Variants in SGCZ observed in about 807,000 individuals in gnomAD.
SGCZ encodes zeta-sarcoglycan.
In SGCZ, 40 loss-of-function variants were observed where a neutral mutation model predicts 41.3. That is an observed-to-expected ratio of 0.97 (90% CI 0.75 to 1.26). SGCZ has a LOEUF of 1.26. Among genes scored for constraint, SGCZ ranks in the 50% most tolerant of loss-of-function variants. SGCZ has a pLI of 0.00. For synonymous variants in SGCZ, 206 were observed against 137.5 expected, an observed-to-expected ratio of 1.50 and a Z score of -3.49; for missense variants, 552 against 369.8, an observed-to-expected ratio of 1.49 and a Z score of -4.04.
At chr8:14,119,628 T>C (rs1000257209) in intron 5 of SGCZ, among the ~76,000 whole-genome samples, 1 of 152,162 alleles carries the variant, frequency 6.6e-6, no homozygotes, top group African/African-American at 2.4e-5. Flanking sequence ...GTTAACTTTG[T>C]CTTATGCCAG....
intron 1 of SGCZ, among the ~76,000 whole-genome samples, chr8:14,852,082 G>T (rs1803350459): frequency 6.6e-6 from 1 of 152,046 alleles, no homozygotes; most frequent in African/African-American, 2.4e-5. Context: ...TTAGTACACT[G>T]TTGGTCCCTA....
At chr8:14,771,932 T>C (rs1800253730) in intron 1 of SGCZ, among the ~76,000 whole-genome samples, 1 of 152,176 alleles carries the variant, frequency 6.6e-6, no homozygotes, top group Non-Finnish European at 1.5e-5. Flanking sequence ...TAACATCTTA[T>C]ATATGATATC....
chr8:14,321,593 A>C (rs1284390632), intron 3 of SGCZ, among the ~76,000 whole-genome samples: 1 of 152,110 alleles, frequency 6.6e-6, no homozygotes, highest in East Asian at 1.9e-4. Context: ...TACTGGCTAA[A>C]TTTAAAGAGA....
chr8:14,912,313 T>C (rs1799300424), intron 1 of SGCZ, among the ~76,000 whole-genome samples: 1 of 151,942 alleles, frequency 6.6e-6, no homozygotes, highest in Non-Finnish European at 1.5e-5. Context: ...TAATGAGCCC[T>C]ACCCAAAATG....
rs530551872 is a variant in SGCZ at position 14,358,638 on chromosome 8, G to A, written c.235-34434C>T. On this transcript the variant is annotated intron_variant, in intron 2 of 7. Coordinates refer to ENST00000382080, the MANE Select transcript of SGCZ (RefSeq NM_139167.4). Reference sequence around the variant, plus strand: ...TATATATATATTTTTTTGAGATGGAGTCTTGCTCTGCTGCCCAGGCTGGAG... The same window carrying A: ...TATATATATATTTTTTTGAGATGGAATCTTGCTCTGCTGCCCAGGCTGGAG... Among the ~76,000 whole-genome samples, 121 of 152,178 alleles carry A rather than the reference G, an allele frequency of 8.0e-4. 1 individual carries two copies. The highest frequency in any genetic ancestry group is 2.3e-3 in the African/African-American group (96 of 41,548).
intron 1 of SGCZ, among the ~76,000 whole-genome samples, chr8:14,825,017 A>G (rs917162559): frequency 6.6e-6 from 1 of 152,138 alleles, no homozygotes; most frequent in African/African-American, 2.4e-5. Flanking sequence ...AACTGAAAAT[A>G]CTGTTTCCCA....
intron 1 of SGCZ, among the ~76,000 whole-genome samples, chr8:14,584,959 A>G (rs1563133047): frequency 6.6e-6 from 1 of 152,154 alleles, no homozygotes; most frequent in Non-Finnish European, 1.5e-5. Context: ...CTAGTTTTGC[A>G]TAAATCTTGA....
intron 1 of SGCZ, among the ~76,000 whole-genome samples, chr8:14,826,778 G>C (rs1802338732): frequency 6.6e-6 from 1 of 152,144 alleles, no homozygotes; most frequent in East Asian, 1.9e-4. Flanking sequence ...TTTTGATGGG[G>C]TTGTTTGTTT....
At chr8:14,381,610 A>C (rs1804367821) in intron 2 of SGCZ, among the ~76,000 whole-genome samples, 1 of 151,738 alleles carries the variant, frequency 6.6e-6, no homozygotes, top group Non-Finnish European at 1.5e-5. Context: ...CCCCGGTTCT[A>C]CAAAAAAAAA....
intron 2 of SGCZ, among the ~76,000 whole-genome samples, chr8:14,538,215 T>G (rs1236339079): frequency 6.6e-6 from 1 of 152,004 alleles, no homozygotes; most frequent in East Asian, 1.9e-4. Context: ...TTTAACTTAT[T>G]TTTATCATGT....
intron 1 of SGCZ, among the ~76,000 whole-genome samples, chr8:14,772,704 T>A (rs1800286937): frequency 6.6e-6 from 1 of 151,628 alleles, no homozygotes; most frequent in Admixed American, 6.6e-5. Context: ...TTGCAATGTT[T>A]ACTGAGAATG....
At chr8:14,344,065 T>C (rs77316675) in intron 2 of SGCZ, among the ~76,000 whole-genome samples, 2,269 of 152,234 alleles carry the variant, frequency 0.015, 57 homozygotes, top group African/African-American at 0.051. Context: ...AACAATTCAA[T>C]ATTTGATGTT....
intron 2 of SGCZ, among the ~76,000 whole-genome samples, chr8:14,458,636 G>C (rs934567423): frequency 2.0e-5 from 3 of 152,104 alleles, no homozygotes; most frequent in Non-Finnish European, 2.9e-5. Context: ...AAGCTGTGTA[G>C]CAACATGTGG....
At chr8:14,449,308 CT>C (rs1470083933) in intron 2 of SGCZ, among the ~76,000 whole-genome samples, 1 of 152,184 alleles carries the variant, frequency 6.6e-6, no homozygotes, top group Non-Finnish European at 1.5e-5. Context: ...CACTCCAGTA[CT>C]ATTTACTTGT....
intron 1 of SGCZ, among the ~76,000 whole-genome samples, chr8:14,626,679 G>C (rs143952628): frequency 6.6e-6 from 1 of 152,032 alleles, no homozygotes; most frequent in Non-Finnish European, 1.5e-5. Flanking sequence ...TGAAAAGATT[G>C]GAGCTTATGC....
chr8:14,966,522 C>G lies in SGCZ; in HGVS notation c.39+271063G>C, dbSNP rs191147355. ...TTACAAAGTCCAGGTATTAATTAAA[C>G]GTAACAAAAATGTATTCCATTTTCA... On this transcript the variant is annotated intron_variant, in intron 1 of 7. Transcript: ENST00000382080. Among the ~76,000 whole-genome samples the G allele has an allele frequency of 2.5e-3, 387 of 151,976 alleles. 3 individuals are homozygous for G. The highest frequency in any genetic ancestry group is 9.1e-3 in the African/African-American group (376 of 41,490).
chr8:14,645,493 T>C (rs895024399), intron 1 of SGCZ, among the ~76,000 whole-genome samples: 1 of 146,144 alleles, frequency 6.8e-6, no homozygotes, highest in African/African-American at 2.5e-5. Flanking sequence ...TGTATATATA[T>C]ATATATATGG....
At chr8:14,793,626 G>C (rs1801031071) in intron 1 of SGCZ, among the ~76,000 whole-genome samples, 1 of 152,040 alleles carries the variant, frequency 6.6e-6, no homozygotes, top group Non-Finnish European at 1.5e-5. Flanking sequence ...AAATGTCTGA[G>C]ATTTGTACAC....
At chr8:14,986,923 A>T (rs1801842845) in intron 1 of SGCZ, among the ~76,000 whole-genome samples, 1 of 152,020 alleles carries the variant, frequency 6.6e-6, no homozygotes, top group Non-Finnish European at 1.5e-5. Context: ...AATGTTCTTA[A>T]AACGTAATTG....
Sources: gnomAD v4.1 joint callset for allele counts (sites outside exome capture counted in the v4.1 genomes callset) on GRCh38, gnomAD v4.1.1 for gene constraint, MANE v1.5 for transcripts, NCBI Gene and HGNC (gene_info 2026-07-23, HGNC 2026-07-21) for gene names.